The following MYO10 variants were observed in gnomAD, a reference collection of about 807,000 sequenced individuals.
MYO10 encodes unconventional myosin-X.
In MYO10, 133 loss-of-function variants were observed where a neutral mutation model predicts 257.3. That is an observed-to-expected ratio of 0.52 (90% CI 0.45 to 0.60). The LOEUF (loss-of-function observed/expected upper bound fraction) is 0.60, where lower values mean the gene tolerates loss of function less well. Among genes scored for constraint, MYO10 ranks in the 20% least tolerant of loss-of-function variants. MYO10 has a pLI of 0.00. For missense variants in MYO10, 2,399 were observed against 2,635.7 expected (o/e 0.91, Z 1.97); for synonymous variants, 1,104 against 1,028.6 (o/e 1.07, Z -1.40).
Position 16,701,294 on chromosome 5 carries a change from G to A in MYO10, c.3101C>T (p.Pro1034Leu), listed in dbSNP as rs1258917829. Residue 1034 changes from proline to leucine, a missense_variant, in exon 25 of 41, where the codon CCA becomes CTA. Transcript: ENST00000513610. This position sits in a 1 kb window ranked among gnomAD's most constrained non-coding sequence, Gnocchi z 8.1. The stretch of plus-strand genomic sequence containing the variant: ...GGGCACCACCGTGTCGTTCATGTAT[G>A]GGTCCTCCTCTGAAGAGTCATCGCT... ...RTSDDSSEED[P>L]YMNDTVVPTS... 3 of 1,613,760 alleles carry A rather than the reference G, an allele frequency of 1.9e-6. No individual in the cohort carries two copies. The highest frequency in any genetic ancestry group is 3.3e-5 in the Admixed American group (2 of 59,998).
At chr5:16,717,231 G>C (rs574586757) in intron 19 of MYO10, among the ~76,000 whole-genome samples, 1 of 152,152 alleles carries the variant, frequency 6.6e-6, no homozygotes, top group Non-Finnish European at 1.5e-5. Flanking sequence ...AATCAAACTC[G>C]TATGCATCAA....
chr5:16,742,136 A>AT (rs778337548), intron 19 of MYO10: 124 of 984,810 alleles, frequency 1.3e-4, no homozygotes, highest in African/African-American at 4.4e-4. Context: ...CCAATCAATA[A>AT]TTTTTTTTTA....
chr5:16,893,306 G>T (rs1745122436), intron 1 of MYO10, among the ~76,000 whole-genome samples: 1 of 151,742 alleles, frequency 6.6e-6, no homozygotes, highest in African/African-American at 2.4e-5. Flanking sequence ...TGCCTCTTTG[G>T]TCCTCTTGAC....
intron 2 of MYO10, among the ~76,000 whole-genome samples, chr5:16,853,453 CT>C (rs1233193710): frequency 6.6e-6 from 1 of 152,124 alleles, no homozygotes; most frequent in East Asian, 1.9e-4. Context: ...TTAAAGATTC[CT>C]ACACTTCTAC....
Position 16,674,986 on chromosome 5 carries a change from T to C in MYO10, c.4831A>G (p.Ile1611Val), listed in dbSNP as rs1290724666. Residue 1611 changes from isoleucine (I) to valine (V), a missense_variant, in exon 35 of 41, where the codon ATC becomes GTC. Ile to Val is a conservative substitution (Grantham distance 29). Transcript: ENST00000513610. ...TGGGGCACTTTGTTGGTCTGTTTGATAAGCTGGCAGTACAGCTCGTCCCGC... is the reference window on the plus strand; with the variant it reads ...TGGGGCACTTTGTTGGTCTGTTTGACAAGCTGGCAGTACAGCTCGTCCCGC... ...PLRDELYCQLIKQTNKVPHPG... is the reference protein window; with the variant it reads ...PLRDELYCQLVKQTNKVPHPG... 1.9e-6 allele frequency: 3 copies of C among 1,614,032 alleles called. No individual in the cohort carries two copies. In the South Asian group the frequency reaches 3.3e-5, roughly 18 times the overall value.
intron 2 of MYO10, among the ~76,000 whole-genome samples, chr5:16,831,161 A>T (rs1042482894): frequency 2.0e-5 from 3 of 152,150 alleles, no homozygotes; most frequent in African/African-American, 7.2e-5. Context: ...AATCAAAACC[A>T]CCATGTGACA....
chr5:16,848,191 T>C (rs1224718521), intron 2 of MYO10, among the ~76,000 whole-genome samples: 2 of 138,814 alleles, frequency 1.4e-5, no homozygotes, highest in African/African-American at 5.6e-5. Flanking sequence ...AGAGTTTTGC[T>C]CTTGTCGCCC....
At chr5:16,708,985 AT>A (rs1273331252) in intron 21 of MYO10, among the ~76,000 whole-genome samples, 1 of 152,214 alleles carries the variant, frequency 6.6e-6, no homozygotes, top group African/African-American at 2.4e-5. Context: ...GTCACCTCTT[AT>A]AGTTTTTCAG....
At chr5:16,706,014 C>A (rs1427487892) in intron 21 of MYO10, among the ~76,000 whole-genome samples, 1 of 152,058 alleles carries the variant, frequency 6.6e-6, no homozygotes, top group African/African-American at 2.4e-5. Flanking sequence ...GAAATCCTGC[C>A]TTTACTAAAA....
At position 16,666,706 on chromosome 5, in the gene MYO10, C is replaced by A. The variant is rs1457391815; in HGVS notation, c.6163G>T (p.Gly2055Cys). 6.2e-7 allele frequency: 1 copy of A among 1,603,808 alleles called. No individual in the cohort carries two copies. The highest frequency in any genetic ancestry group is 8.5e-7 in the Non-Finnish European group (1 of 1,176,836). The stretch of plus-strand genomic sequence containing the variant: ...CTGTCCCGCCTTCACCTGGAGCTGC[C>A]CTGGCTGCTGGCGGAGCGTGTCGTG... ...YSTTRSASSQ[G>C]SSR The change falls in exon 41 of 41, where the codon GGC becomes TGC. Residue 2055 changes from glycine (G) to cysteine (C), a missense_variant. Physicochemically the swap from Gly to Cys is radical, Grantham distance 159. Around this residue, in one of 3 missense-constraint regions of MYO10, gnomAD observed 1,820 missense variants for 1,939.4 expected, o/e 0.94. Coordinates refer to ENST00000513610, the MANE Select transcript of MYO10 (RefSeq NM_012334.3).
Position 16,877,713 on chromosome 5 carries a change from A to T in MYO10, c.22-6T>A. 1 of 1,605,906 alleles carries T rather than the reference A, an allele frequency of 6.2e-7. No homozygotes were observed. Among genetic ancestry groups the T allele is most frequent in the Non-Finnish European group, 8.5e-7 (1 of 1,173,876 alleles). On this transcript the variant is annotated splice_region_variant and splice_polypyrimidine_tract_variant and intron_variant, in intron 1 of 40. Coordinates refer to ENST00000513610, the MANE Select transcript of MYO10 (RefSeq NM_012334.3). ...CTCAGCCAGACCCGTGTTCCCTGTA[A>T]ACAAAACAAACAAGACTGAACTGAG...
At chr5:16,812,321 G>A (rs1279780544) in intron 3 of MYO10, among the ~76,000 whole-genome samples, 2 of 152,190 alleles carry the variant, frequency 1.3e-5, no homozygotes, top group African/African-American at 4.8e-5. Flanking sequence ...GCGCAGAGGG[G>A]CTCTAACCCA....
chr5:16,718,772 G>C (rs936742063), intron 19 of MYO10, among the ~76,000 whole-genome samples: 5 of 151,996 alleles, frequency 3.3e-5, no homozygotes, highest in Non-Finnish European at 7.3e-5. Context: ...CCTGTGTTTA[G>C]CTCAAGGTTT....
chr5:16,811,721 T>C (rs983389826), intron 3 of MYO10, among the ~76,000 whole-genome samples: 8 of 152,152 alleles, frequency 5.3e-5, no homozygotes, highest in African/African-American at 1.9e-4. Context: ...GGCTAATTTT[T>C]GCAATCTTTT....
chr5:16,901,739 ATTCAC>A (rs1352076587), intron 1 of MYO10, among the ~76,000 whole-genome samples: 1 of 152,158 alleles, frequency 6.6e-6, no homozygotes, highest in Admixed American at 6.5e-5. Flanking sequence ...CAGGCACCTG[ATTCAC>A]TCACAGCCTT....
intron 19 of MYO10, among the ~76,000 whole-genome samples, chr5:16,731,087 C>G (rs1034437762): frequency 4.0e-5 from 6 of 151,290 alleles, no homozygotes; most frequent in Non-Finnish European, 7.4e-5. Context: ...GCTCTGTCGC[C>G]CAGGCTGGAG....
At chr5:16,900,906 A>T (rs1745360265) in intron 1 of MYO10, among the ~76,000 whole-genome samples, 1 of 151,702 alleles carries the variant, frequency 6.6e-6, no homozygotes, top group South Asian at 2.1e-4. Context: ...CACCTAGCTA[A>T]TTTTTATATT....
At chr5:16,869,877 T>C (rs948730244) in intron 2 of MYO10, among the ~76,000 whole-genome samples, 3 of 94,066 alleles carry the variant, frequency 3.2e-5, no homozygotes, top group Non-Finnish European at 6.1e-5. Context: ...AAAACTATAA[T>C]AATAATAATA....
chr5:16,690,232 T>G (rs952081961), intron 27 of MYO10, among the ~76,000 whole-genome samples: 1 of 152,206 alleles, frequency 6.6e-6, no homozygotes, highest in Non-Finnish European at 1.5e-5. Flanking sequence ...TAGAGACGAT[T>G]TGAAGCATGT....
Sources: allele counts gnomAD v4.1 joint callset (sites outside exome capture counted in the v4.1 genomes callset), GRCh38; gene constraint gnomAD v4.1.1; regional missense constraint gnomAD v4.1.1; non-coding constraint Gnocchi (gnomAD v3.1); transcripts MANE v1.5; gene names NCBI Gene and HGNC (gene_info 2026-07-23, HGNC 2026-07-21).